Variants in DTD1 observed in about 807,000 individuals in gnomAD.
DTD1 encodes the protein D-aminoacyl-tRNA deacylase 1.
In DTD1, 13 loss-of-function variants were observed where a neutral mutation model predicts 25.6. That is an observed-to-expected ratio of 0.51 (90% CI 0.33 to 0.81). The LOEUF is 0.81. DTD1 is among the 30% of genes least tolerant of loss of function. The probability of loss-of-function intolerance (pLI) is 0.02; values close to 1 mark genes in which losing one functional copy is unlikely to be tolerated. For missense variants in DTD1, 193 were observed against 266.4 expected, an observed-to-expected ratio of 0.72 and a Z score of 1.92; for synonymous variants, 110 against 103.6, an observed-to-expected ratio of 1.06 and a Z score of -0.37.
chr20:18,632,531 A>G (rs2060792622), intron 4 of DTD1: 2 of 985,442 alleles, frequency 2.0e-6, no homozygotes, highest in Non-Finnish European at 2.4e-6. Flanking sequence ...TTGTGTTGAT[A>G]GGAGGAGCAC....
chr20:18,682,203 T>C lies in DTD1; in HGVS notation c.477+53970T>C, dbSNP rs186038730. On this transcript the variant is annotated intron_variant, in intron 4 of 5. Transcript: ENST00000377452. Reference sequence around the variant, plus strand: ...GAAGGTGTATAACCAGCCCCTCATATGCTCATCTCCTCCCATTTTAGGCAA... The same window carrying C: ...GAAGGTGTATAACCAGCCCCTCATACGCTCATCTCCTCCCATTTTAGGCAA... Among the ~76,000 whole-genome samples the C allele has an allele frequency of 1.3e-3, 192 of 152,352 alleles. 1 individual carries two copies. The highest frequency in any genetic ancestry group is 4.5e-3 in the African/African-American group (188 of 41,584).
chr20:18,728,053 G>A (rs1469736231), intron 4 of DTD1, among the ~76,000 whole-genome samples: 4 of 152,174 alleles, frequency 2.6e-5, no homozygotes, highest in Non-Finnish European at 5.9e-5. Flanking sequence ...GAGTGTGTGG[G>A]ATAGGGGATG....
intron 4 of DTD1, among the ~76,000 whole-genome samples, chr20:18,733,046 G>A (rs978760767): frequency 3.9e-5 from 6 of 152,212 alleles, no homozygotes; most frequent in African/African-American, 1.4e-4. Flanking sequence ...TATACAGGTG[G>A]TTTGTTTAGG....
At position 18,701,499 on chromosome 20, in the gene DTD1, C is replaced by T. The variant is rs550446037; in HGVS notation, c.478-42601C>T. On this transcript the variant is annotated intron_variant, in intron 4 of 5. Coordinates refer to ENST00000377452, the MANE Select transcript of DTD1 (RefSeq NM_080820.6). ...GAATTTTTGCATTATGCCTTTTCTT[C>T]CTCCTGTGCAATCTTGTGGGCAGGT... Among the ~76,000 whole-genome samples the T allele has an allele frequency of 2.6e-5, 4 of 152,340 alleles. No homozygotes were observed. In the East Asian group the frequency reaches 7.7e-4, roughly 29 times the overall value.
Position 18,639,771 on chromosome 20 carries a change from C to T in DTD1, c.477+11538C>T, listed in dbSNP as rs139834136. ...TATTTTTAATCATGAAAGTGAAGCC[C>T]GGAAGCCTCAATTTCTTTGTAATGG... On this transcript the variant is annotated intron_variant, in intron 4 of 5. Coordinates refer to ENST00000377452, the MANE Select transcript of DTD1 (RefSeq NM_080820.6). Among the ~76,000 whole-genome samples the T allele has an allele frequency of 6.1e-3, 927 of 152,230 alleles. 12 individuals are homozygous for T. The highest frequency in any genetic ancestry group is 0.021 in the African/African-American group (886 of 41,536).
At chr20:18,745,272 T>G (rs527766271) in intron 5 of DTD1, among the ~76,000 whole-genome samples, 1 of 152,146 alleles carries the variant, frequency 6.6e-6, no homozygotes, top group African/African-American at 2.4e-5. Context: ...GGAGTCCACC[T>G]CCCTGCCTGA....
At chr20:18,698,400 T>C (rs1416132481) in intron 4 of DTD1, 2 of 152,240 alleles carry the variant, frequency 1.3e-5, no homozygotes, top group Non-Finnish European at 2.9e-5. Context: ...TCTATACATA[T>C]TCAGTGATTT....
At chr20:18,634,585 G>A (rs541371866) in intron 4 of DTD1, among the ~76,000 whole-genome samples, 8 of 152,290 alleles carry the variant, frequency 5.3e-5, no homozygotes, top group African/African-American at 1.7e-4. Flanking sequence ...GCTCCTCTGA[G>A]TATCACCGTT....
intron 4 of DTD1, among the ~76,000 whole-genome samples, chr20:18,727,112 C>A (rs2061225112): frequency 2.6e-5 from 4 of 152,198 alleles, no homozygotes; most frequent in Admixed American, 2.6e-4. Flanking sequence ...AGCTGTAGTA[C>A]CTGGGACTTG....
intron 4 of DTD1, among the ~76,000 whole-genome samples, chr20:18,653,802 G>A (rs1458662559): frequency 6.6e-6 from 1 of 152,102 alleles, no homozygotes; most frequent in South Asian, 2.1e-4. Context: ...TGTGAAGGAG[G>A]GTTATAATAA....
intron 3 of DTD1, among the ~76,000 whole-genome samples, chr20:18,615,124 G>T (rs2060704065): frequency 6.6e-6 from 1 of 151,942 alleles, no homozygotes; most frequent in Non-Finnish European, 1.5e-5. Flanking sequence ...AAGTGGCACA[G>T]CCTCACTTCT....
intron 5 of DTD1, among the ~76,000 whole-genome samples, chr20:18,762,416 A>AG (rs2061366629): frequency 6.6e-6 from 1 of 152,222 alleles, no homozygotes; most frequent in African/African-American, 2.4e-5. Context: ...GGAAACCCTG[A>AG]GACACTTGGA....
chr20:18,661,337 G>T (rs1798439841), intron 4 of DTD1, among the ~76,000 whole-genome samples: 1 of 148,954 alleles, frequency 6.7e-6, no homozygotes. Flanking sequence ...AATTTGCAGA[G>T]ATTTAACTTT....
At chr20:18,680,981 A>G (rs1269285921) in intron 4 of DTD1, among the ~76,000 whole-genome samples, 2 of 152,208 alleles carry the variant, frequency 1.3e-5, no homozygotes, top group Non-Finnish European at 2.9e-5. Flanking sequence ...CTGTGTATCA[A>G]TAAGTAATTT....
chr20:18,667,483 G>T (rs1342464896), intron 4 of DTD1, among the ~76,000 whole-genome samples: 1 of 152,220 alleles, frequency 6.6e-6, no homozygotes, highest in Non-Finnish European at 1.5e-5. Context: ...AAATGGGGCT[G>T]CTCTGCTGGC....
chr20:18,598,844 G>A (rs145828830), intron 3 of DTD1, among the ~76,000 whole-genome samples: 3 of 151,934 alleles, frequency 2.0e-5, no homozygotes, highest in Non-Finnish European at 2.9e-5. Flanking sequence ...AAAATCCTCT[G>A]TGCTCTGGCT....
At chr20:18,629,296 CTTTTTT>C (rs35174616) in intron 4 of DTD1, among the ~76,000 whole-genome samples, 6 of 69,220 alleles carry the variant, frequency 8.7e-5, no homozygotes, top group African/African-American at 1.7e-4. Context: ...TGTGCTCGGC[CTTTTTT>C]TTTTTTTTTT....
intron 4 of DTD1, among the ~76,000 whole-genome samples, chr20:18,703,782 T>C (rs954968438): frequency 1.3e-5 from 2 of 152,122 alleles, no homozygotes; most frequent in African/African-American, 4.8e-5. Context: ...TTATGTTTTC[T>C]TGATGTTCTC....
chr20:18,738,975 TAGCGCTTGTCCTCTGCAGTGTGTCCTCA>T, intron 4 of DTD1, among the ~76,000 whole-genome samples: 1 of 152,168 alleles, frequency 6.6e-6, no homozygotes, highest in South Asian at 2.1e-4. Context: ...TGTTCTTAGG[TAGCGCTTGTCCTCTGCAGTGTGTCCTCA>T]GGCCTTAGGT....
Sources: gnomAD v4.1 joint callset for allele counts (sites outside exome capture counted in the v4.1 genomes callset) on GRCh38, gnomAD v4.1.1 for gene constraint, MANE v1.5 for transcripts, NCBI Gene and HGNC (gene_info 2026-07-23, HGNC 2026-07-21) for gene names.